IL6ST: variants seen among roughly 807,000 people sequenced by gnomAD.
IL6ST encodes the protein interleukin 6 cytokine family signal transducer.
In IL6ST, 24 loss-of-function variants were observed where a neutral mutation model predicts 91.3. The ratio of observed to expected loss-of-function variants is 0.26; its 90% CI spans 0.19 to 0.37. The LOEUF is 0.37. Among genes scored for constraint, IL6ST ranks in the 10% least tolerant of loss-of-function variants. IL6ST has a pLI of 1.00. For synonymous variants in IL6ST, 351 were observed against 373.6 expected, an observed-to-expected ratio of 0.94 and a Z score of 0.70; for missense variants, 914 against 1,078.5, an observed-to-expected ratio of 0.85 and a Z score of 2.14.
At chr5:55,976,459 C>T in intron 2 of IL6ST, 166 bp from the exon 3 acceptor site, 1 of 419,852 alleles carries the variant, frequency 2.4e-6, no homozygotes, top group East Asian at 3.7e-5. Context: ...TTTATTCCCA[C>T]TGAAGTTATG....
chr5:55,965,394 A>T (rs375764366), intron 5 of IL6ST, among the ~76,000 whole-genome samples: 26 of 152,268 alleles, frequency 1.7e-4, no homozygotes, highest in African/African-American at 6.3e-4. Context: ...CTATAGCCCT[A>T]ATTTTAAACT....
At chr5:55,977,091 C>T (rs1753338637) in intron 2 of IL6ST, among the ~76,000 whole-genome samples, 1 of 151,730 alleles carries the variant, frequency 6.6e-6, no homozygotes, top group Non-Finnish European at 1.5e-5. Context: ...TATAAACATA[C>T]ATTCAAACAA....
intron 14 of IL6ST, 22 bp downstream of exon 14, chr5:55,951,442 A>C (rs922502766): frequency 6.3e-7 from 1 of 1,593,112 alleles, no homozygotes. Context: ...AAGAAAAAAA[A>C]CCAAACTTCA....
Position 55,968,328 on chromosome 5 carries a change from C to T in IL6ST, c.439G>A (p.Asp147Asn), listed in dbSNP as rs775425402. 6.2e-7 allele frequency: 1 copy of T among 1,607,186 alleles called. No individual in the cohort carries two copies. The highest frequency in any genetic ancestry group is 1.1e-5 in the South Asian group (1 of 89,486). The change falls in exon 5 of 17, where the codon GAT (aspartate) becomes AAT (asparagine). Residue 147 changes from aspartate (D) to asparagine (N), a missense_variant. Asp to Asn is a conservative substitution (Grantham distance 23). Transcript: ENST00000381298. ...NEGKKMRCEW[D>N]GGRETHLETN... The stretch of plus-strand genomic sequence containing the variant: ...TCCAAGTGTGTTTCCCTTCCACCAT[C>T]CCACTCACACCTCATTTTCTTCCCC...
chr5:55,969,023 A>G (rs2111808097), intron 4 of IL6ST, among the ~76,000 whole-genome samples: 2 of 152,170 alleles, frequency 1.3e-5, no homozygotes, highest in East Asian at 3.9e-4. Flanking sequence ...GCGAAACCCC[A>G]TTTCTACTAA....
In IL6ST at chr5:55,960,393, T is replaced by G. The variant is rs1464882989; in HGVS notation, c.973+9A>C. On this transcript the variant is annotated intron_variant, in intron 8 of 16. Transcript: ENST00000381298. ...ATAGCTTTACTTCTTCATATACTTA[T>G]GTACTTACTATCTTCATAGGTGATC... The G allele has an allele frequency of 1.2e-6, 2 of 1,609,462 alleles. No homozygotes were observed. The highest frequency in any genetic ancestry group is 4.5e-5 in the East Asian group (2 of 44,836).
Position 55,947,517 on chromosome 5 carries a change from A to G in IL6ST, c.1913T>C (p.Leu638Pro), listed in dbSNP as rs2111638092. 6.3e-7 allele frequency: 1 copy of G among 1,595,918 alleles called. No individual in the cohort carries two copies. The highest frequency in any genetic ancestry group is 8.5e-7 in the Non-Finnish European group (1 of 1,170,558). Reference sequence around the variant, plus strand: ...CAGGTCTCGCTTATTAAAGCAGAACAGCACTCCCAGAAGAGTTGTCAATAG... The same window carrying G: ...CAGGTCTCGCTTATTAAAGCAGAACGGCACTCCCAGAAGAGTTGTCAATAG... ...AFLLTTLLGV[L>P]FCFNKRDLIK... The change falls in exon 15 of 17, where the codon CTG becomes CCG. Residue 638 changes from leucine (L) to proline (P), a missense_variant. Leu to Pro is a moderately conservative substitution (Grantham distance 98, BLOSUM62 -3). Transcript: ENST00000381298.
chr5:55,969,906 A>G lies in IL6ST; in HGVS notation c.65-51T>C, dbSNP rs764489476. On this transcript the variant is annotated intron_variant, in intron 3 of 16. Transcript: ENST00000381298. ...TAAATGGACTGAATTTTTCTGGTAC[A>G]AAATGATATCTAGCTGGTAGCACTC... The G allele has an allele frequency of 1.1e-5, 13 of 1,231,990 alleles. No homozygotes were observed. The African/African-American group carries it at 1.6e-4, about 16-fold the overall frequency. 76.3% of individuals were successfully genotyped at this position (1,231,990 alleles called of 1,614,324 possible). A position where few individuals can be genotyped will look rare whatever the true frequency, so the allele number is the denominator to read the frequency against.
chr5:55,969,982 A>C (rs1752870003), intron 3 of IL6ST, 127 bp from the exon 4 acceptor site: 1 of 577,084 alleles, frequency 1.7e-6, no homozygotes, highest in Non-Finnish European at 3.1e-6. Flanking sequence ...ACACAGAAAA[A>C]GACAATACAC....
intron 2 of IL6ST, among the ~76,000 whole-genome samples, chr5:55,976,961 A>G (rs1258374151): frequency 6.6e-6 from 1 of 152,286 alleles, no homozygotes; most frequent in East Asian, 1.9e-4. Flanking sequence ...CACTCCAAAG[A>G]GCGTACTCCC....
intron 15 of IL6ST, 136 bp downstream of exon 15, chr5:55,947,357 T>C (rs1751330070): frequency 1.6e-6 from 1 of 612,778 alleles, no homozygotes; most frequent in Non-Finnish European, 2.9e-6. Context: ...ATTGTGATTA[T>C]GGTGGTAGTT....
intron 3 of IL6ST, among the ~76,000 whole-genome samples, chr5:55,972,166 T>G (rs1356315349): frequency 6.6e-6 from 1 of 152,096 alleles, no homozygotes; most frequent in African/African-American, 2.4e-5. Flanking sequence ...AAGATATAAT[T>G]AGAGACTCAG....
rs1580773226 is a variant in IL6ST at position 55,939,009 on chromosome 5, T to G, written c.*2073A>C. On this transcript the variant is annotated 3_prime_UTR_variant, in exon 17 of 17. Coordinates refer to ENST00000381298, the MANE Select transcript of IL6ST (RefSeq NM_002184.4). ...GTAGATTAAGAGTTCATATTGTATA[T>G]CTGACCCTGAAATGTACAAACTTCA... The G allele has an allele frequency of 4.9e-6, 1 of 205,214 alleles. No individual in the cohort carries two copies. Among genetic ancestry groups the G allele is most frequent in the East Asian group, 7.4e-5 (1 of 13,450 alleles). The allele number at this position is 205,214 out of a possible 1,614,324, so 12.7% of individuals were successfully genotyped here. A position where few individuals can be genotyped will look rare whatever the true frequency, so the allele number is the denominator to read the frequency against.
At chr5:55,992,192 A>G (rs1754372143) in intron 1 of IL6ST, among the ~76,000 whole-genome samples, 1 of 152,198 alleles carries the variant, frequency 6.6e-6, no homozygotes. Flanking sequence ...AGAACACTGC[A>G]CAGTAATTGT....
rs1163926712 is a variant in IL6ST, at chr5:55,941,682, A to G, written c.2157T>C (p.Ile719=). The G allele has an allele frequency of 1.2e-6, 2 of 1,614,092 alleles. No individual in the cohort carries two copies. The highest frequency in any genetic ancestry group is 1.7e-5 in the Admixed American group (1 of 60,020). ...TACCACTGCTGTGTCCTTCAGTATT[A>G]ATTTTTTCCTTTTTGAACAGGTCCA... ...KSLDLFKKEK[I]NTEGHSSGIG... is the part of the protein sequence containing the mutation. Residue 719 remains isoleucine (I), a synonymous_variant, in exon 17 of 17, where the codon ATT becomes ATC. Transcript: ENST00000381298.
In IL6ST at chr5:55,947,569, T is replaced by A; in HGVS notation, c.1861A>T (p.Ile621Leu). 1 of 1,430,280 alleles carries A rather than the reference T, an allele frequency of 7.0e-7. No individual in the cohort carries two copies. Among genetic ancestry groups the A allele is most frequent in the East Asian group, 2.3e-5 (1 of 42,568 alleles). The allele number at this position is 1,430,280 out of a possible 1,614,324, so 88.6% of individuals were successfully genotyped here. The change falls in exon 15 of 17, where the codon ATA (isoleucine) becomes TTA (leucine). Residue 621 changes from isoleucine to leucine, a missense_variant. Ile to Leu is a conservative substitution (Grantham distance 5, BLOSUM62 2). Transcript: ENST00000381298. Reference sequence around the variant, plus strand: ...AATGCTAAGCAAACAGGCACGACTATGGCTTCAATTTCTCCTTGAGCTTAA... The same window carrying A: ...AATGCTAAGCAAACAGGCACGACTAAGGCTTCAATTTCTCCTTGAGCTTAA... ...PKFAQGEIEA[I>L]VVPVCLAFLL...
chr5:55,938,947 A>G lies in IL6ST; in HGVS notation c.*2135T>C, dbSNP rs1487470309. The G allele has an allele frequency of 4.9e-6, 1 of 203,518 alleles. No individual in the cohort carries two copies. The highest frequency in any genetic ancestry group is 7.6e-5 in the East Asian group (1 of 13,238). The allele number at this position is 203,518 out of a possible 1,614,324, so 12.6% of individuals were successfully genotyped here. A position where few individuals can be genotyped will look rare whatever the true frequency, so the allele number is the denominator to read the frequency against. On this transcript the variant is annotated 3_prime_UTR_variant, in exon 17 of 17. Transcript: ENST00000381298. ...CAGGCTTCAACATGCAAATTTGTTTATATCATGGCCTTCAATGATCCTCCA... is the reference window on the plus strand; with the variant it reads ...CAGGCTTCAACATGCAAATTTGTTTGTATCATGGCCTTCAATGATCCTCCA...
chr5:55,974,726 T>G (rs1414123577), intron 3 of IL6ST, among the ~76,000 whole-genome samples: 1 of 152,050 alleles, frequency 6.6e-6, no homozygotes, highest in East Asian at 1.9e-4. Context: ...CCTCAAATGA[T>G]CCACCCATCT....
intron 3 of IL6ST, among the ~76,000 whole-genome samples, chr5:55,972,694 G>A (rs1753031413): frequency 6.6e-6 from 1 of 151,858 alleles, no homozygotes; most frequent in Non-Finnish European, 1.5e-5. Flanking sequence ...GCAAGATGAA[G>A]AAATGTGAAT....
Sources: gnomAD v4.1 joint callset for allele counts (sites outside exome capture counted in the v4.1 genomes callset) on GRCh38, gnomAD v4.1.1 for gene constraint, MANE v1.5 for transcripts, NCBI Gene and HGNC (gene_info 2026-07-23, HGNC 2026-07-21) for gene names.